Variants in INPP5D observed in about 807,000 individuals in gnomAD.
INPP5D encodes inositol polyphosphate-5-phosphatase D.
INPP5D carries 33 observed loss-of-function variants against 122.9 expected under a neutral mutation model. That is an observed-to-expected ratio of 0.27 (90% CI 0.20 to 0.36). The LOEUF (loss-of-function observed/expected upper bound fraction) is 0.36, where lower values mean the gene tolerates loss of function less well. Ranked by LOEUF, INPP5D falls within the 10% of genes least tolerant of loss-of-function variation. The probability of loss-of-function intolerance (pLI) is 1.00; values close to 1 mark genes in which losing one functional copy is unlikely to be tolerated. For synonymous variants in INPP5D, 584 were observed against 576.2 expected, an observed-to-expected ratio of 1.01 and a Z score of -0.19; for missense variants, 1,053 against 1,412.7, an observed-to-expected ratio of 0.75 and a Z score of 4.08.
chr2:233,172,084 C>T (rs570104351), intron 17 of INPP5D, among the ~76,000 whole-genome samples: 5 of 152,320 alleles, frequency 3.3e-5, no homozygotes, highest in Non-Finnish European at 7.3e-5. Context: ...GAGGAGATCC[C>T]GGACTGCTGT....
Position 233,177,553 on chromosome 2 carries a change from A to T in INPP5D, c.2071+207A>T, listed in dbSNP as rs1694670877. Among the ~76,000 whole-genome samples, 1 of 152,110 alleles carries T rather than the reference A, an allele frequency of 6.6e-6. No individual in the cohort carries two copies. The highest frequency in any genetic ancestry group is 1.5e-5 in the Non-Finnish European group (1 of 67,996). ...TAATCCATATCCCCTGCTTTAGGAG[A>T]CATTTGAATTATAGAGCACTTTTTT... On this transcript the variant is annotated intron_variant, in intron 18 of 26. Transcript: ENST00000445964. The surrounding 1 kb of genome is among the most constrained non-coding windows in gnomAD (Gnocchi z 4.2).
At chr2:233,142,383 C>A (rs1161672522) in intron 6 of INPP5D, among the ~76,000 whole-genome samples, 1 of 152,210 alleles carries the variant, frequency 6.6e-6, no homozygotes, top group African/African-American at 2.4e-5. Context: ...TTCTGATTCA[C>A]CCTCCTGGAT....
chr2:233,111,387 C>T (rs895260123), intron 2 of INPP5D, among the ~76,000 whole-genome samples: 8 of 152,184 alleles, frequency 5.3e-5, no homozygotes, highest in Non-Finnish European at 1.2e-4. Flanking sequence ...CATATAATTT[C>T]CCCCTTCTGG....
chr2:233,123,074 C>A (rs1396285947), intron 3 of INPP5D, among the ~76,000 whole-genome samples: 2 of 152,106 alleles, frequency 1.3e-5, no homozygotes, highest in East Asian at 3.9e-4. Flanking sequence ...ACCCTTGCAC[C>A]TAACTGGAAG....
At chr2:233,163,629 G>C in intron 11 of INPP5D, 78 bp from the exon 12 acceptor site, 1 of 1,600,750 alleles carries the variant, frequency 6.2e-7, no homozygotes, top group South Asian at 1.1e-5. Flanking sequence ...TCACACTCCC[G>C]CCCTCTGTTT....
chr2:233,202,836 C>CA (rs1227919845), intron 25 of INPP5D, among the ~76,000 whole-genome samples: 2 of 152,218 alleles, frequency 1.3e-5, no homozygotes, highest in African/African-American at 4.8e-5. Context: ...GCAAAGGCAG[C>CA]ACTTGCCTAC....
chr2:233,081,566 A>T (rs1691689511), intron 2 of INPP5D, among the ~76,000 whole-genome samples: 1 of 152,048 alleles, frequency 6.6e-6, no homozygotes, highest in Admixed American at 6.6e-5. Flanking sequence ...TACTCTTGCT[A>T]CTGTGACATC....
chr2:233,176,461 A>G (rs1433126259), intron 17 of INPP5D, among the ~76,000 whole-genome samples: 1 of 95,658 alleles, frequency 1.0e-5, no homozygotes. Context: ...GGATAGGTGG[A>G]TGGATGGGTG....
At chr2:233,075,736 C>G (rs553556355) in intron 1 of INPP5D, among the ~76,000 whole-genome samples, 1 of 152,198 alleles carries the variant, frequency 6.6e-6, no homozygotes, top group African/African-American at 2.4e-5. Flanking sequence ...CTACTGCTCA[C>G]CCAACGACTT....
At position 233,128,012 on chromosome 2, in the gene INPP5D, A is replaced by T. The variant is rs1254933208; in HGVS notation, c.524+2093A>T. The stretch of plus-strand genomic sequence containing the variant: ...CCTGTTAAGATACATATTTTAATAC[A>T]GGGGTCCCCAACCTGTGGACTATTA... On this transcript the variant is annotated intron_variant, in intron 4 of 26. Coordinates refer to ENST00000445964, the MANE Select transcript of INPP5D (RefSeq NM_001017915.3). This position sits in a 1 kb window ranked among gnomAD's most constrained non-coding sequence, Gnocchi z 4.5. 6.6e-6 allele frequency among the ~76,000 whole-genome samples: 1 copy of T among 152,248 alleles called. No homozygotes were observed. The highest frequency in any genetic ancestry group is 1.5e-5 in the Non-Finnish European group (1 of 68,042).
chr2:233,147,702 G>A (rs1391330464), intron 9 of INPP5D, 108 bp downstream of exon 9: 3 of 653,334 alleles, frequency 4.6e-6, no homozygotes, highest in African/African-American at 3.6e-5. Flanking sequence ...TCTTCCGCAC[G>A]CATGCGCGCC....
Position 233,161,802 on chromosome 2 carries a change from A to G in INPP5D, c.1216A>G (p.Ile406Val). ...SEQPEPDMIT[I>V]FIGTWNMGNA... ...GCAGCCGGAGCCCGACATGATCACC[A>G]TCTTCATCGGCACCTGGAACATGGG... The change falls in exon 11 of 27, where the codon ATC (isoleucine) becomes GTC (valine). Residue 406 changes from isoleucine to valine, a missense_variant. Coordinates refer to ENST00000445964, the MANE Select transcript of INPP5D (RefSeq NM_001017915.3). 6.2e-7 allele frequency: 1 copy of G among 1,613,556 alleles called. No homozygotes were observed. Among genetic ancestry groups the G allele is most frequent in the Non-Finnish European group, 8.5e-7 (1 of 1,179,756 alleles).
intron 2 of INPP5D, among the ~76,000 whole-genome samples, chr2:233,081,955 C>T (rs1177648224): frequency 6.6e-6 from 1 of 152,104 alleles, no homozygotes; most frequent in Non-Finnish European, 1.5e-5. Context: ...GGAGCAGGTA[C>T]CCCCCTCTGC....
At chr2:233,186,418 G>A (rs1448869507) in intron 21 of INPP5D, among the ~76,000 whole-genome samples, 2 of 152,128 alleles carry the variant, frequency 1.3e-5, no homozygotes, top group Non-Finnish European at 2.9e-5. Context: ...CGAAGTACTC[G>A]ACATGTCTGT....
chr2:233,182,292 C>G (rs1304630144), intron 18 of INPP5D, 118 bp from the exon 19 acceptor site: 3 of 1,450,010 alleles, frequency 2.1e-6, no homozygotes, highest in Admixed American at 4.6e-5. Context: ...AGGTGCAAAA[C>G]TTCGCACTTC....
intron 10 of INPP5D, among the ~76,000 whole-genome samples, chr2:233,161,324 T>A (rs1222371179): frequency 6.6e-6 from 1 of 152,092 alleles, no homozygotes; most frequent in Non-Finnish European, 1.5e-5. Flanking sequence ...ACTCCTGACC[T>A]CAGGTGATCC....
chr2:233,176,217 G>A (rs914785259), intron 17 of INPP5D, among the ~76,000 whole-genome samples: 4 of 152,132 alleles, frequency 2.6e-5, no homozygotes, highest in African/African-American at 4.8e-5. Flanking sequence ...CTGAGGCCCT[G>A]GAGAGGGCTT....
rs528164871 is a variant in INPP5D, at chr2:233,128,913, G to T, written c.525-1595G>T. On this transcript the variant is annotated intron_variant, in intron 4 of 26. Coordinates refer to ENST00000445964, the MANE Select transcript of INPP5D (RefSeq NM_001017915.3). The surrounding 1 kb of genome is among the most constrained non-coding windows in gnomAD (Gnocchi z 4.5). ...ATCTTTAAGGCGGCTGGGCAGGGTG[G>T]TTCACACCTGTTATCCCAGCACTTT... Among the ~76,000 whole-genome samples the T allele has an allele frequency of 2.0e-4, 31 of 152,288 alleles. No individual in the cohort carries two copies. The highest frequency in any genetic ancestry group is 7.5e-4 in the African/African-American group (31 of 41,562).
At chr2:233,146,562 C>T (rs1179400239) in intron 8 of INPP5D, 124 bp downstream of exon 8, 7 of 676,212 alleles carry the variant, frequency 1.0e-5, no homozygotes, top group Admixed American at 4.2e-5. Context: ...AGCGCATTAG[C>T]CAAGAATGGC....
Sources: gnomAD v4.1 joint callset for allele counts (sites outside exome capture counted in the v4.1 genomes callset) on GRCh38, gnomAD v4.1.1 for gene constraint, Gnocchi (gnomAD v3.1) non-coding constraint, MANE v1.5 for transcripts, NCBI Gene and HGNC (gene_info 2026-07-23, HGNC 2026-07-21) for gene names.